Variants in PHAF1 observed in about 807,000 individuals in gnomAD.
The protein encoded by PHAF1 is phagosome assembly factor 1.
PHAF1 carries 23 observed loss-of-function variants against 63.1 expected under a neutral mutation model. That is an observed-to-expected ratio of 0.36 (90% confidence interval 0.26 to 0.52). The LOEUF (loss-of-function observed/expected upper bound fraction) is 0.52, where lower values mean the gene tolerates loss of function less well. PHAF1 is among the 20% of genes least tolerant of loss of function. The pLI, the probability that PHAF1 is intolerant of heterozygous loss-of-function variation, is 0.93. For synonymous variants in PHAF1, 167 were observed against 185.0 expected (o/e 0.90, Z 0.79); for missense variants, 427 against 517.2 (o/e 0.83, Z 1.69).
Position 67,140,684 on chromosome 16 carries a change from C to CCA in PHAF1, c.879+91_879+92dup, listed in dbSNP as rs1257977828. ...TCTGTGTGTCCACATGCAGCTGGAA[C>CCA]CATGCCTGGACATTGGGGAACCTAG... is the stretch of plus-strand genomic sequence containing the variant. On this transcript the variant is annotated intron_variant, in intron 10 of 15. Coordinates refer to ENST00000219139, the MANE Select transcript of PHAF1 (RefSeq NM_025187.5). The CCA allele has an allele frequency of 2.3e-5, 24 of 1,063,172 alleles. No individual in the cohort carries two copies. The African/African-American group carries it at 3.1e-4, about 14-fold the overall frequency. 65.9% of individuals were successfully genotyped at this position (1,063,172 alleles called of 1,614,324 possible). A position where few individuals can be genotyped will look rare whatever the true frequency, so the allele number is the denominator to read the frequency against.
Position 67,147,158 on chromosome 16 carries a change from C to G in PHAF1, c.*27C>G. The stretch of plus-strand genomic sequence containing the variant: ...GACACCACCACCCATGCCCCTCTGT[C>G]CCGTGGAACTGTGCATCACATCCTG... On this transcript the variant is annotated 3_prime_UTR_variant, in exon 16 of 16. Coordinates refer to ENST00000219139, the MANE Select transcript of PHAF1 (RefSeq NM_025187.5). The G allele has an allele frequency of 6.3e-7, 1 of 1,576,152 alleles. No individual in the cohort carries two copies. Among genetic ancestry groups the G allele is most frequent in the African/African-American group, 1.3e-5 (1 of 74,148 alleles).
At chr16:67,142,906 A>G (rs1963864654) in intron 10 of PHAF1, among the ~76,000 whole-genome samples, 1 of 152,232 alleles carries the variant, frequency 6.6e-6, no homozygotes, top group South Asian at 2.1e-4. Context: ...CGGCCACTCC[A>G]GATGGGCCAT....
chr16:67,123,935 C>T (rs549954621), intron 2 of PHAF1, among the ~76,000 whole-genome samples: 1 of 152,316 alleles, frequency 6.6e-6, no homozygotes, highest in Admixed American at 6.5e-5. Context: ...TTTTACTGAA[C>T]TGCTTCATGT....
Position 67,147,156 on chromosome 16 carries a change from G to T in PHAF1, c.*25G>T. 1 of 1,580,604 alleles carries T rather than the reference G, an allele frequency of 6.3e-7. No individual in the cohort carries two copies. ...GGGACACCACCACCCATGCCCCTCTGTCCCGTGGAACTGTGCATCACATCC... is the reference window on the plus strand; with the variant it reads ...GGGACACCACCACCCATGCCCCTCTTTCCCGTGGAACTGTGCATCACATCC... On this transcript the variant is annotated 3_prime_UTR_variant, in exon 16 of 16. Transcript: ENST00000219139.
At position 67,112,543 on chromosome 16, in the gene PHAF1, C is replaced by CA. The variant is rs879382443; in HGVS notation, c.64+2315dup. Among the ~76,000 whole-genome samples, 887 of 134,828 alleles carry CA rather than the reference C, an allele frequency of 6.6e-3. 4 individuals are homozygous for CA. Among genetic ancestry groups the CA allele is most frequent in the African/African-American group, 0.022 (797 of 36,742 alleles). The allele number at this position is 134,828 out of a possible 152,430, so 88.5% of individuals were successfully genotyped here. A position where few individuals can be genotyped will look rare whatever the true frequency, so the allele number is the denominator to read the frequency against. On this transcript the variant is annotated intron_variant, in intron 1 of 15. Transcript: ENST00000219139. ...AGAGAGAGACCCTGTCTCAAGGAGA[C>CA]AAAAAAAAAAAGTAGTTACTAGGAT... is the stretch of plus-strand genomic sequence containing the variant.
chr16:67,145,690 G>C, intron 14 of PHAF1, 62 bp downstream of exon 14: 1 of 1,541,928 alleles, frequency 6.5e-7, no homozygotes, highest in Non-Finnish European at 8.8e-7. Flanking sequence ...AGAAAGCCCA[G>C]GGAAGCCTGG....
rs937482064 is a variant in PHAF1, at chr16:67,110,040, G to C, written c.-136G>C. 4 of 874,078 alleles carry C rather than the reference G, an allele frequency of 4.6e-6. No individual in the cohort carries two copies. Among genetic ancestry groups the C allele is most frequent in the Non-Finnish European group, 7.1e-6 (4 of 564,434 alleles). 54.1% of individuals were successfully genotyped at this position (874,078 alleles called of 1,614,324 possible). ...GTGTTGGGCCGGTGCTGCTGCCGCT[G>C]CCGCCGGGGAGGAGGTGGAAAGCGG... On this transcript the variant is annotated 5_prime_UTR_variant, in exon 1 of 16. Coordinates refer to ENST00000219139, the MANE Select transcript of PHAF1 (RefSeq NM_025187.5).
intron 1 of PHAF1, among the ~76,000 whole-genome samples, chr16:67,112,957 C>A (rs1962578593): frequency 6.6e-6 from 1 of 152,102 alleles, no homozygotes; most frequent in African/African-American, 2.4e-5. Context: ...ACATTTGGGG[C>A]TGTTAGGTAG....
intron 1 of PHAF1, among the ~76,000 whole-genome samples, chr16:67,117,256 G>A (rs1412856511): frequency 1.5e-5 from 2 of 136,656 alleles, no homozygotes; most frequent in Admixed American, 7.7e-5. Context: ...TCACCAAGCC[G>A]GCCAGGCTGG....
rs776498444 is a variant in PHAF1, at chr16:67,120,132, G to T, written c.85G>T (p.Val29Leu). The change falls in exon 2 of 16, where the codon GTA becomes TTA. Residue 29 changes from valine to leucine, a missense_variant. Val to Leu is a conservative substitution (Grantham distance 32). Transcript: ENST00000219139. ...TTCAGGAATGCCTCTGGCTCAGGCAGTAGCCATTCTTCAGAAGCACTGTCG... is the reference window on the plus strand; with the variant it reads ...TTCAGGAATGCCTCTGGCTCAGGCATTAGCCATTCTTCAGAAGCACTGTCG... ...FTLGMPLAQAVAILQKHCRII... is the reference protein window; with the variant it reads ...FTLGMPLAQALAILQKHCRII... 19 of 1,613,900 alleles carry T rather than the reference G, an allele frequency of 1.2e-5. No homozygotes were observed. The highest frequency in any genetic ancestry group is 8.3e-5 in the Admixed American group (5 of 59,984).
intron 10 of PHAF1, among the ~76,000 whole-genome samples, chr16:67,143,496 C>T (rs1357922056): frequency 2.6e-5 from 4 of 152,222 alleles, no homozygotes; most frequent in African/African-American, 9.6e-5. Flanking sequence ...GGCTCTGCTG[C>T]TTACCATCTG....
chr16:67,132,838 T>A lies in PHAF1; in HGVS notation c.377T>A (p.Leu126His), dbSNP rs912691355. ...ACAGTGTACAACTCCGCTGAGCAGC[T>A]CTTCCATCTCAACTTCAGAGGACTG... ...HPGVYNSAEQ[L>H]FHLNFRGLSF... Residue 126 changes from leucine to histidine, a missense_variant, in exon 6 of 16, where the codon CTC becomes CAC. Leu to His is a moderately conservative substitution (Grantham distance 99, BLOSUM62 -3). Transcript: ENST00000219139. 1 of 1,613,502 alleles carries A rather than the reference T, an allele frequency of 6.2e-7. No homozygotes were observed. Among genetic ancestry groups the A allele is most frequent in the Non-Finnish European group, 8.5e-7 (1 of 1,179,360 alleles).
intron 9 of PHAF1, 74 bp from the exon 10 acceptor site, chr16:67,140,437 T>G (rs1963766258): frequency 3.1e-6 from 4 of 1,271,636 alleles, no homozygotes; most frequent in African/African-American, 1.5e-5. Flanking sequence ...TGGAACACAA[T>G]TTGTAGACTT....
chr16:67,121,098 A>G (rs1237753132), intron 2 of PHAF1, among the ~76,000 whole-genome samples: 2 of 152,102 alleles, frequency 1.3e-5, no homozygotes. Flanking sequence ...GTGCTTGAGT[A>G]TTCATGTGGT....
chr16:67,140,102 T>C lies in PHAF1; in HGVS notation c.780T>C (p.Tyr260=). ...TTGGCTCTCCACACAAAGTCTTCTA[T>C]AAATCAGAAGACAAGGTAGGGGAAT... The part of the protein sequence containing the change: ...SMLGSPHKVF[Y]KSEDKMKIHS... Residue 260 remains tyrosine (Y), a synonymous_variant, in exon 9 of 16, where the codon TAT becomes TAC. Transcript: ENST00000219139. 6.2e-7 allele frequency: 1 copy of C among 1,614,158 alleles called. No homozygotes were observed. The highest frequency in any genetic ancestry group is 8.5e-7 in the Non-Finnish European group (1 of 1,180,006).
chr16:67,118,332 T>C (rs1487027029), intron 1 of PHAF1, among the ~76,000 whole-genome samples: 2 of 81,656 alleles, frequency 2.4e-5, no homozygotes, highest in Non-Finnish European at 4.5e-5. Flanking sequence ...CCCCTGTTGC[T>C]TTTTTTTTTT....
At chr16:67,115,919 G>A (rs189933059) in intron 1 of PHAF1, among the ~76,000 whole-genome samples, 8 of 152,312 alleles carry the variant, frequency 5.3e-5, no homozygotes, top group East Asian at 3.9e-4. Flanking sequence ...TTGGGAGGCC[G>A]AGACGGGAGG....
intron 3 of PHAF1, among the ~76,000 whole-genome samples, chr16:67,127,612 C>T (rs998720040): frequency 6.6e-6 from 1 of 151,916 alleles, no homozygotes; most frequent in African/African-American, 2.4e-5. Context: ...CTGGCTAACA[C>T]GGTGAAACCC....
chr16:67,143,471 T>C (rs1000016733), intron 10 of PHAF1, among the ~76,000 whole-genome samples: 3 of 152,290 alleles, frequency 2.0e-5, no homozygotes, highest in African/African-American at 7.2e-5. Flanking sequence ...TGAGTCTGCA[T>C]CCTCGGATTC....
Sources: allele counts gnomAD v4.1 joint callset (sites outside exome capture counted in the v4.1 genomes callset), GRCh38; gene constraint gnomAD v4.1.1; transcripts MANE v1.5; gene names NCBI Gene and HGNC (gene_info 2026-07-23, HGNC 2026-07-21).